The following SYCP2L variants were observed in gnomAD, a reference collection of about 807,000 sequenced individuals.
SYCP2L encodes synaptonemal complex protein 2 like.
SYCP2L carries 98 observed loss-of-function variants against 125.8 expected under a neutral mutation model. That is an observed-to-expected ratio of 0.78 (90% confidence interval 0.66 to 0.92). The LOEUF (loss-of-function observed/expected upper bound fraction) is 0.92. Ranked by LOEUF, SYCP2L falls within the 40% of genes least tolerant of loss-of-function variation. The pLI is 0.00. For synonymous variants in SYCP2L, 317 were observed against 325.4 expected (o/e 0.97, Z 0.28); for missense variants, 842 against 936.4 (o/e 0.90, Z 1.32).
In SYCP2L at chr6:10,956,231, A is replaced by G. The variant is rs748169389; in HGVS notation, c.2152A>G (p.Arg718Gly). ...TFENFTKKRK[R>G]KYELRYRKRP... is the part of the protein sequence containing the mutation. ...TGAAAACTTCACTAAAAAACGGAAA[A>G]GAAAATATGAGGTAGTAGTCCACAA... The change falls in exon 25 of 30, where the codon AGA (arginine) becomes GGA (glycine). Residue 718 changes from arginine (R) to glycine (G), a missense_variant. Arg to Gly is a moderately radical substitution (Grantham distance 125). Transcript: ENST00000283141. 1 of 1,612,202 alleles carries G rather than the reference A, an allele frequency of 6.2e-7. No homozygotes were observed. The highest frequency in any genetic ancestry group is 1.7e-5 in the Admixed American group (1 of 60,018).
intron 29 of SYCP2L, among the ~76,000 whole-genome samples, chr6:10,968,121 C>G (rs1021553645): frequency 6.6e-6 from 1 of 152,066 alleles, no homozygotes. Context: ...ATAAAATTGT[C>G]CAGGTAAGCA....
chr6:10,898,695 C>G, intron 5 of SYCP2L, 129 bp from the exon 6 acceptor site: 1 of 693,486 alleles, frequency 1.4e-6, no homozygotes, highest in East Asian at 2.6e-5. Context: ...TAGGCTTTCT[C>G]TAAAATGCTT....
intron 14 of SYCP2L, among the ~76,000 whole-genome samples, chr6:10,915,137 T>C (rs1365844431): frequency 2.0e-5 from 3 of 152,182 alleles, no homozygotes; most frequent in African/African-American, 4.8e-5. Context: ...TGTTGGTGTA[T>C]AGAAGAGCTA....
At chr6:10,936,895 C>A (rs1241043715) in intron 21 of SYCP2L, among the ~76,000 whole-genome samples, 1 of 152,096 alleles carries the variant, frequency 6.6e-6, no homozygotes, top group Admixed American at 6.5e-5. Context: ...CAGGAAATAG[C>A]AATTGTAAAT....
chr6:10,928,302 A>G, intron 17 of SYCP2L, 101 bp from the exon 18 acceptor site: 1 of 555,698 alleles, frequency 1.8e-6, no homozygotes, highest in South Asian at 2.8e-5. Context: ...ATTTATGTTC[A>G]GAGATTGAGT....
chr6:10,967,454 G>A (rs989509863), intron 29 of SYCP2L, among the ~76,000 whole-genome samples: 1 of 138,838 alleles, frequency 7.2e-6, no homozygotes, highest in African/African-American at 2.7e-5. Context: ...TGGGGTAGAG[G>A]GTGTGTGTGT....
chr6:10,930,627 G>A, intron 19 of SYCP2L, 113 bp downstream of exon 19: 1 of 1,248,096 alleles, frequency 8.0e-7, no homozygotes, highest in Non-Finnish European at 1.1e-6. Context: ...TGATTATGGG[G>A]CCAGCTTTCC....
At chr6:10,895,631 G>GC (rs1554104425) in intron 4 of SYCP2L, among the ~76,000 whole-genome samples, 7 of 70,398 alleles carry the variant, frequency 9.9e-5, no homozygotes, top group East Asian at 4.3e-4. Flanking sequence ...GAGAACAAAA[G>GC]GGGGGGGTAC....
At chr6:10,955,802 C>T (rs1479390036) in intron 24 of SYCP2L, among the ~76,000 whole-genome samples, 1 of 152,174 alleles carries the variant, frequency 6.6e-6, no homozygotes, top group African/African-American at 2.4e-5. Flanking sequence ...TCCCTCAGAA[C>T]AGCACCAGAC....
intron 23 of SYCP2L, among the ~76,000 whole-genome samples, chr6:10,943,246 A>G (rs761055829): frequency 6.2e-4 from 94 of 152,222 alleles, no homozygotes; most frequent in Non-Finnish European, 9.1e-4. Flanking sequence ...ATGAGTTAAT[A>G]TAATACTTTT....
At chr6:10,892,389 T>G (rs1470744173) in intron 2 of SYCP2L, among the ~76,000 whole-genome samples, 3 of 152,216 alleles carry the variant, frequency 2.0e-5, no homozygotes, top group Non-Finnish European at 2.9e-5. Flanking sequence ...AGCCTTGACC[T>G]CCTGGGCTCA....
Position 10,956,138 on chromosome 6 carries a change from G to A in SYCP2L, c.2059G>A (p.Gly687Arg). The A allele has an allele frequency of 6.2e-7, 1 of 1,612,786 alleles. No homozygotes were observed. The highest frequency in any genetic ancestry group is 8.5e-7 in the Non-Finnish European group (1 of 1,179,218). ...CATGTTTTGTTTTTGTTTTCCAGAA[G>A]GAATTTCCACTTCATCCCTAGAAGT... ...SITEERELPEGISTSSLEVVP... is the reference protein window; with the variant it reads ...SITEERELPERISTSSLEVVP... Residue 687 changes from glycine (G) to arginine (R), a missense_variant and splice_region_variant, in exon 25 of 30, where the codon GGA becomes AGA. Coordinates refer to ENST00000283141, the MANE Select transcript of SYCP2L (RefSeq NM_001040274.3).
intron 10 of SYCP2L, among the ~76,000 whole-genome samples, chr6:10,908,586 A>G (rs1022636798): frequency 1.3e-5 from 2 of 152,216 alleles, no homozygotes; most frequent in Non-Finnish European, 2.9e-5. Flanking sequence ...TTTTAAAATG[A>G]GGGTTAGACT....
intron 14 of SYCP2L, among the ~76,000 whole-genome samples, chr6:10,921,374 A>G (rs1461541813): frequency 6.6e-6 from 1 of 152,190 alleles, no homozygotes; most frequent in Non-Finnish European, 1.5e-5. Flanking sequence ...AGAATGATTT[A>G]TATTCCTTTA....
In SYCP2L at chr6:10,928,388, G is replaced by C. The variant is rs761057732; in HGVS notation, c.1441-15G>C. ...TGTCTATGAAATCTTCACAATCCAC[G>C]TTCTTCTGCCATAGCTTCAGCCGGT... On this transcript the variant is annotated splice_polypyrimidine_tract_variant and intron_variant, in intron 17 of 29. Transcript: ENST00000283141. 8.5e-6 allele frequency: 11 copies of C among 1,301,744 alleles called. No homozygotes were observed. In the African/African-American group the frequency reaches 1.5e-4, roughly 18 times the overall value. The allele number at this position is 1,301,744 out of a possible 1,614,324, so 80.6% of individuals were successfully genotyped here.
At chr6:10,923,723 C>T (rs1466587469) in intron 14 of SYCP2L, among the ~76,000 whole-genome samples, 2 of 135,970 alleles carry the variant, frequency 1.5e-5, no homozygotes, top group Non-Finnish European at 3.1e-5. Flanking sequence ...TAGCTCTCTC[C>T]TCCAGGCTGG....
intron 14 of SYCP2L, among the ~76,000 whole-genome samples, chr6:10,921,163 T>C (rs141728394): frequency 0.02 from 3,040 of 152,272 alleles, 99 homozygotes; most frequent in African/African-American, 0.069. Flanking sequence ...TAGTTTGCTG[T>C]GGATGATGGC....
chr6:10,924,597 A>G lies in SYCP2L; in HGVS notation c.1174A>G (p.Asn392Asp), dbSNP rs1780866105. The G allele has an allele frequency of 6.2e-7, 1 of 1,602,558 alleles. No homozygotes were observed. Among genetic ancestry groups the G allele is most frequent in the Non-Finnish European group, 8.5e-7 (1 of 1,176,996 alleles). ...KIEIHFDLQFNISQVSIQALG... is the reference protein window; with the variant it reads ...KIEIHFDLQFDISQVSIQALG... Reference sequence around the variant, plus strand: ...AGAAATCCATTTTGATTTGCAGTTCAACATATCACAAGTTTCCATTCAAGC... The same window carrying G: ...AGAAATCCATTTTGATTTGCAGTTCGACATATCACAAGTTTCCATTCAAGC... The change falls in exon 15 of 30, where the codon AAC becomes GAC. Residue 392 changes from asparagine to aspartate, a missense_variant. Coordinates refer to ENST00000283141, the MANE Select transcript of SYCP2L (RefSeq NM_001040274.3).
intron 17 of SYCP2L, among the ~76,000 whole-genome samples, chr6:10,928,160 G>A (rs1292856374): frequency 1.3e-5 from 2 of 151,478 alleles, no homozygotes; most frequent in Non-Finnish European, 2.9e-5. Context: ...ATCCTCCTCA[G>A]CTGACAGGAT....
Sources: allele counts gnomAD v4.1 joint callset (sites outside exome capture counted in the v4.1 genomes callset), GRCh38; gene constraint gnomAD v4.1.1; transcripts MANE v1.5; gene names NCBI Gene and HGNC (gene_info 2026-07-23, HGNC 2026-07-21).